CTNNA2: variants seen among roughly 807,000 people sequenced by gnomAD.
CTNNA2 encodes catenin alpha 2, also known as catenin alpha-2.
A neutral mutation model predicts 101.0 loss-of-function variants in CTNNA2; 42 were observed. The observed-to-expected ratio is 0.42, with a 90% CI of 0.32 to 0.54. The LOEUF (loss-of-function observed/expected upper bound fraction) is 0.54, where lower values mean the gene tolerates loss of function less well. Among genes scored for constraint, CTNNA2 ranks in the 20% least tolerant of loss-of-function variants. The pLI is 0.14. For synonymous variants in CTNNA2, 450 were observed against 456.4 expected, an observed-to-expected ratio of 0.99 and a Z score of 0.18; for missense variants, 871 against 1,223.1, an observed-to-expected ratio of 0.71 and a Z score of 4.29.
intron 1 of CTNNA2, among the ~76,000 whole-genome samples, chr2:79,525,011 G>A (rs1672325855): frequency 6.6e-6 from 1 of 151,658 alleles, no homozygotes; most frequent in South Asian, 2.1e-4. Flanking sequence ...CAACATGTTT[G>A]ATTATGCTAA....
chr2:79,338,643 CAA>C (rs879593028), intron 3 of CTNNA2, among the ~76,000 whole-genome samples: 1,763 of 145,540 alleles, frequency 0.012, 26 homozygotes, highest in Middle Eastern at 0.031. Context: ...TCTTCTTCTT[CAA>C]AGATTCCTCT....
At chr2:80,645,625 C>T (rs957317377) in intron 18 of CTNNA2, among the ~76,000 whole-genome samples, 5 of 152,024 alleles carry the variant, frequency 3.3e-5, no homozygotes, top group Non-Finnish European at 7.4e-5. Flanking sequence ...TAACAGATTC[C>T]CGGGTGATGC....
intron 9 of CTNNA2, among the ~76,000 whole-genome samples, chr2:80,491,524 G>C (rs1373217577): frequency 2.0e-5 from 3 of 152,162 alleles, no homozygotes; most frequent in African/African-American, 4.8e-5. Context: ...TAATTCAGAA[G>C]GGATATATCA....
chr2:79,826,542 C>T (rs1008470454), intron 3 of CTNNA2, among the ~76,000 whole-genome samples: 1 of 152,206 alleles, frequency 6.6e-6, no homozygotes, highest in African/African-American at 2.4e-5. Context: ...CAACTGCAGC[C>T]ACTATCATCT....
intron 2 of CTNNA2, among the ~76,000 whole-genome samples, chr2:79,276,849 A>G (rs1272858695): frequency 6.6e-6 from 1 of 152,102 alleles, no homozygotes; most frequent in Non-Finnish European, 1.5e-5. Context: ...ATGAGATAAG[A>G]AAGGTTTTCC....
intron 3 of CTNNA2, among the ~76,000 whole-genome samples, chr2:79,330,619 G>T (rs2104418051): frequency 6.6e-6 from 1 of 152,282 alleles, no homozygotes; most frequent in South Asian, 2.1e-4. Context: ...CACGTGTCAT[G>T]AGAGGGACCC....
intron 14 of CTNNA2, among the ~76,000 whole-genome samples, chr2:80,588,319 T>A (rs949479368): frequency 6.6e-6 from 1 of 152,104 alleles, no homozygotes; most frequent in Admixed American, 6.5e-5. Context: ...CACAAAGATA[T>A]GAAAAATGTA....
chr2:79,404,228 G>T (rs1369441272), intron 4 of CTNNA2, among the ~76,000 whole-genome samples: 1 of 151,976 alleles, frequency 6.6e-6, no homozygotes, highest in Admixed American at 6.6e-5. Flanking sequence ...GTACATGGTT[G>T]TCATAAACTT....
intron 2 of CTNNA2, among the ~76,000 whole-genome samples, chr2:79,256,277 C>T (rs1420475525): frequency 6.6e-6 from 1 of 152,138 alleles, no homozygotes; most frequent in African/African-American, 2.4e-5. Flanking sequence ...CCACCTCACC[C>T]CGACAACTCC....
chr2:80,484,807 C>T (rs933191324), intron 9 of CTNNA2, among the ~76,000 whole-genome samples: 26 of 152,220 alleles, frequency 1.7e-4, no homozygotes, highest in East Asian at 3.9e-4. Flanking sequence ...GAGATCGAGA[C>T]CATCCTGGCT....
chr2:79,203,319 C>G (rs59340330), intron 2 of CTNNA2, among the ~76,000 whole-genome samples: 1 of 152,136 alleles, frequency 6.6e-6, no homozygotes, highest in East Asian at 1.9e-4. Context: ...CAGAAAATGG[C>G]AAAATCATGA....
chr2:80,120,592 G>A (rs547462403), intron 7 of CTNNA2, among the ~76,000 whole-genome samples: 12 of 152,248 alleles, frequency 7.9e-5, no homozygotes, highest in Admixed American at 2.0e-4. Flanking sequence ...CTGTAGACAC[G>A]GCAGTCACCC....
chr2:80,579,761 A>C (rs1234540231), intron 13 of CTNNA2, among the ~76,000 whole-genome samples: 2 of 152,246 alleles, frequency 1.3e-5, no homozygotes, highest in African/African-American at 4.8e-5. Flanking sequence ...TGCTATTGGC[A>C]CGAAGGACCC....
At chr2:79,483,869 CAT>C (rs1368799594) in intron 4 of CTNNA2, among the ~76,000 whole-genome samples, 3 of 152,192 alleles carry the variant, frequency 2.0e-5, no homozygotes, top group Non-Finnish European at 2.9e-5. Flanking sequence ...CTGCTATAAA[CAT>C]GTGTGTACAA....
intron 3 of CTNNA2, among the ~76,000 whole-genome samples, chr2:79,784,509 A>T (rs1674692266): frequency 6.7e-6 from 1 of 150,212 alleles, no homozygotes; most frequent in Non-Finnish European, 1.5e-5. Flanking sequence ...GATGTCTAGG[A>T]GACATATCAA....
intron 1 of CTNNA2, chr2:79,634,711 A>C (rs1368500643): frequency 6.6e-6 from 1 of 152,456 alleles, no homozygotes; most frequent in African/African-American, 2.4e-5. Flanking sequence ...TAAGTCAAGT[A>C]AGGAAAACAG....
intron 4 of CTNNA2, among the ~76,000 whole-genome samples, chr2:79,440,657 C>A (rs545309611): frequency 6.6e-6 from 1 of 152,288 alleles, no homozygotes; most frequent in Middle Eastern, 3.4e-3. Flanking sequence ...CTGAGAGAGA[C>A]ATGCACTTCA....
chr2:80,365,908 T>G (rs934246129), intron 7 of CTNNA2, among the ~76,000 whole-genome samples: 2 of 152,164 alleles, frequency 1.3e-5, no homozygotes, highest in Non-Finnish European at 2.9e-5. Flanking sequence ...TGGTCGGCTG[T>G]TATGCTTGCC....
chr2:80,506,243 G>A (rs1688267879), intron 9 of CTNNA2, among the ~76,000 whole-genome samples: 1 of 152,166 alleles, frequency 6.6e-6, no homozygotes, highest in Non-Finnish European at 1.5e-5. Flanking sequence ...GAGTCGAGGA[G>A]GCTTCCTGGA....
Sources: allele counts gnomAD v4.1 joint callset (sites outside exome capture counted in the v4.1 genomes callset), GRCh38; gene constraint gnomAD v4.1.1; transcripts MANE v1.5; gene names NCBI Gene and HGNC (gene_info 2026-07-23, HGNC 2026-07-21).